RNF144B: variants seen among roughly 807,000 people sequenced by gnomAD.
The protein encoded by RNF144B is ring finger protein 144B, also known as E3 ubiquitin-protein ligase RNF144B.
In RNF144B, 25 loss-of-function variants were observed where a neutral mutation model predicts 40.2. That is an observed-to-expected ratio of 0.62 (90% CI 0.45 to 0.87). RNF144B has a LOEUF of 0.87. Ranked by LOEUF, RNF144B falls within the 40% of genes least tolerant of loss-of-function variation. RNF144B has a pLI of 0.00. For synonymous variants in RNF144B, 145 were observed against 136.3 expected (o/e 1.06, Z -0.44); for missense variants, 365 against 373.7 (o/e 0.98, Z 0.19).
Position 18,448,973 on chromosome 6 carries a change from C to T in RNF144B, c.332-8182C>T, listed in dbSNP as rs991071827. Among the ~76,000 whole-genome samples, 1 of 152,124 alleles carries T rather than the reference C, an allele frequency of 6.6e-6. No homozygotes were observed. Among genetic ancestry groups the T allele is most frequent in the African/African-American group, 2.4e-5 (1 of 41,430 alleles). On this transcript the variant is annotated intron_variant, in intron 4 of 7. Coordinates refer to ENST00000259939, the MANE Select transcript of RNF144B (RefSeq NM_182757.4). The surrounding 1 kb of genome is among the most constrained non-coding windows in gnomAD (Gnocchi z 4.0). The stretch of plus-strand genomic sequence containing the variant: ...TGTGTAGAACCTGCTTCATGTCAGG[C>T]ACTGTGTTAAGTGTCTCGTTTACAG...
In RNF144B at chr6:18,416,734, A is replaced by T. The variant is rs910871701; in HGVS notation, c.166-10847A>T. On this transcript the variant is annotated intron_variant, in intron 2 of 7. Coordinates refer to ENST00000259939, the MANE Select transcript of RNF144B (RefSeq NM_182757.4). The surrounding 1 kb of genome is among the most constrained non-coding windows in gnomAD (Gnocchi z 5.5). ...AGCTTCCTTTGCTGTTTCTTTTGGA[A>T]CTAGCTGAATGCTTGTATTCTCTAT... is the stretch of plus-strand genomic sequence containing the variant. 6.6e-6 allele frequency among the ~76,000 whole-genome samples: 1 copy of T among 152,178 alleles called. No homozygotes were observed. The highest frequency in any genetic ancestry group is 1.9e-4 in the East Asian group (1 of 5,194).
chr6:18,450,752 T>C lies in RNF144B; in HGVS notation c.332-6403T>C, dbSNP rs1290363980. Among the ~76,000 whole-genome samples the C allele has an allele frequency of 2.0e-5, 3 of 152,230 alleles. No homozygotes were observed. The highest frequency in any genetic ancestry group is 4.4e-5 in the Non-Finnish European group (3 of 68,040). ...GATGTGAATGCCCTTGTTCAGTGTTTTCTTTAAGGACAGAATCTTAATTCT... is the reference window on the plus strand; with the variant it reads ...GATGTGAATGCCCTTGTTCAGTGTTCTCTTTAAGGACAGAATCTTAATTCT... On this transcript the variant is annotated intron_variant, in intron 4 of 7. Coordinates refer to ENST00000259939, the MANE Select transcript of RNF144B (RefSeq NM_182757.4). The surrounding 1 kb of genome is among the most constrained non-coding windows in gnomAD (Gnocchi z 4.7).
In RNF144B at chr6:18,442,406, A is replaced by G. The variant is rs990733479; in HGVS notation, c.331+2662A>G. Among the ~76,000 whole-genome samples the G allele has an allele frequency of 6.6e-6, 1 of 152,224 alleles. No homozygotes were observed. The highest frequency in any genetic ancestry group is 6.5e-5 in the Admixed American group (1 of 15,276). ...GCCCCACTGTGGATCCCATGCATTA[A>G]CAATTCATGTTGTTATTCTTATTTT... On this transcript the variant is annotated intron_variant, in intron 4 of 7. Transcript: ENST00000259939. This position sits in a 1 kb window ranked among gnomAD's most constrained non-coding sequence, Gnocchi z 4.3.
At chr6:18,435,153 G>T (rs577256834) in intron 3 of RNF144B, among the ~76,000 whole-genome samples, 1 of 152,258 alleles carries the variant, frequency 6.6e-6, no homozygotes, top group African/African-American at 2.4e-5. Flanking sequence ...GTTGTCTTTT[G>T]TGCTTGGATA....
At position 18,447,671 on chromosome 6, in the gene RNF144B, A is replaced by T. The variant is rs193131359; in HGVS notation, c.331+7927A>T. 1.3e-5 allele frequency among the ~76,000 whole-genome samples: 2 copies of T among 152,324 alleles called. No homozygotes were observed. The highest frequency in any genetic ancestry group is 3.9e-4 in the East Asian group (2 of 5,182). ...ATGCCCAGATTTGGAGTCTGTTTTC[A>T]AGGTGGAACTGTCAGGATTTCCTGG... On this transcript the variant is annotated intron_variant, in intron 4 of 7. Coordinates refer to ENST00000259939, the MANE Select transcript of RNF144B (RefSeq NM_182757.4). The surrounding 1 kb of genome is among the most constrained non-coding windows in gnomAD (Gnocchi z 5.6).
chr6:18,455,679 T>C (rs1316097810), intron 4 of RNF144B, among the ~76,000 whole-genome samples: 5 of 152,154 alleles, frequency 3.3e-5, no homozygotes, highest in Non-Finnish European at 5.9e-5. Context: ...TATGTTCCCT[T>C]AAAGGTCATA....
rs1000830592 is a variant in RNF144B at position 18,450,651 on chromosome 6, C to G, written c.332-6504C>G. 6.6e-6 allele frequency among the ~76,000 whole-genome samples: 1 copy of G among 152,168 alleles called. No homozygotes were observed. Among genetic ancestry groups the G allele is most frequent in the African/African-American group, 2.4e-5 (1 of 41,430 alleles). On this transcript the variant is annotated intron_variant, in intron 4 of 7. Coordinates refer to ENST00000259939, the MANE Select transcript of RNF144B (RefSeq NM_182757.4). This position sits in a 1 kb window ranked among gnomAD's most constrained non-coding sequence, Gnocchi z 4.7. Reference sequence around the variant, plus strand: ...TTCCACCATGGCTAATTTTAAGCTACCAAGGTAATGTCACTGAACTTGGAG... The same window carrying G: ...TTCCACCATGGCTAATTTTAAGCTAGCAAGGTAATGTCACTGAACTTGGAG...
At chr6:18,439,530 GT>G (rs1562053303) in intron 3 of RNF144B, among the ~76,000 whole-genome samples, 153 bp from the exon 4 acceptor site, 2 of 152,104 alleles carry the variant, frequency 1.3e-5, no homozygotes, top group African/African-American at 4.8e-5. Flanking sequence ...TGTTGCATGT[GT>G]TTTACTACAT....
chr6:18,434,354 G>GT lies in RNF144B; in HGVS notation c.271-5323dup, dbSNP rs1294703000. 2.0e-5 allele frequency among the ~76,000 whole-genome samples: 3 copies of GT among 149,900 alleles called. No homozygotes were observed. Among genetic ancestry groups the GT allele is most frequent in the Non-Finnish European group, 4.5e-5 (3 of 66,598 alleles). On this transcript the variant is annotated intron_variant, in intron 3 of 7. Transcript: ENST00000259939. The surrounding 1 kb of genome is among the most constrained non-coding windows in gnomAD (Gnocchi z 4.1). Reference sequence around the variant, plus strand: ...ACTTTCTGCCTCCCTTTTTTGCTTTGTTTTTTTCTGAGAGGGGGTAAGGTC... The same window carrying GT: ...ACTTTCTGCCTCCCTTTTTTGCTTTGTTTTTTTTCTGAGAGGGGGTAAGGTC...
chr6:18,404,219 C>T (rs17626544), intron 2 of RNF144B, among the ~76,000 whole-genome samples: 11,879 of 152,274 alleles, frequency 0.078, 619 homozygotes, highest in Non-Finnish European at 0.11. Context: ...CTAACTGTTA[C>T]CTGCATTAGG....
intron 1 of RNF144B, 71 bp from the exon 2 acceptor site, chr6:18,399,428 C>T (rs1308536155): frequency 9.1e-7 from 1 of 1,103,074 alleles, no homozygotes; most frequent in Non-Finnish European, 1.3e-6. Flanking sequence ...ATCAGCTGGC[C>T]TCCAGACGTG....
rs1274242613 is a variant in RNF144B, at chr6:18,450,897, A to G, written c.332-6258A>G. On this transcript the variant is annotated intron_variant, in intron 4 of 7. Transcript: ENST00000259939. The surrounding 1 kb of genome is among the most constrained non-coding windows in gnomAD (Gnocchi z 4.7). ...ATGGTGCTTTATCTCTTTGTAATCT[A>G]ATGTCATTGTGTTTTGTCTCAGCAT... Among the ~76,000 whole-genome samples, 1 of 152,130 alleles carries G rather than the reference A, an allele frequency of 6.6e-6. No homozygotes were observed.
intron 4 of RNF144B, among the ~76,000 whole-genome samples, chr6:18,449,595 A>G (rs1488780699): frequency 6.6e-6 from 1 of 151,982 alleles, no homozygotes; most frequent in Non-Finnish European, 1.5e-5. Flanking sequence ...ATGTATATTT[A>G]CTAAAAACAA....
intron 1 of RNF144B, among the ~76,000 whole-genome samples, chr6:18,394,058 C>G (rs9367993): frequency 0.15 from 22,829 of 152,116 alleles, 2,195 homozygotes; most frequent in East Asian, 0.29. Context: ...TAATATCTAG[C>G]TGATTCATTT....
At chr6:18,404,074 G>T (rs552573469) in intron 2 of RNF144B, among the ~76,000 whole-genome samples, 23 of 152,272 alleles carry the variant, frequency 1.5e-4, no homozygotes, top group Admixed American at 1.4e-3. Context: ...TGTGAATTTT[G>T]GTGGGGATAA....
At chr6:18,415,202 C>CG (rs1188866265) in intron 2 of RNF144B, among the ~76,000 whole-genome samples, 5 of 152,214 alleles carry the variant, frequency 3.3e-5, no homozygotes, top group South Asian at 2.1e-4. Context: ...AATCTGAGGA[C>CG]GGGGGGCTGA....
In RNF144B at chr6:18,459,484, C is replaced by T; in HGVS notation, c.537-123C>T. The T allele has an allele frequency of 2.2e-6, 2 of 919,504 alleles. No individual in the cohort carries two copies. Among genetic ancestry groups the T allele is most frequent in the South Asian group, 1.9e-5 (1 of 53,790 alleles). 57.0% of individuals were successfully genotyped at this position (919,504 alleles called of 1,614,324 possible). On this transcript the variant is annotated intron_variant, in intron 5 of 7. Transcript: ENST00000259939. The surrounding 1 kb of genome is among the most constrained non-coding windows in gnomAD (Gnocchi z 4.2). ...CATCTAATAATGTTTTTGCCCACACCCTTTCTTTTGGAAGTGAATTAAGCA... is the reference window on the plus strand; with the variant it reads ...CATCTAATAATGTTTTTGCCCACACTCTTTCTTTTGGAAGTGAATTAAGCA...
chr6:18,451,889 T>A (rs1373355992), intron 4 of RNF144B, among the ~76,000 whole-genome samples: 1 of 152,072 alleles, frequency 6.6e-6, no homozygotes, highest in Non-Finnish European at 1.5e-5. Flanking sequence ...ATAAAGGAGG[T>A]TTAATGTTTA....
chr6:18,430,106 T>C (rs868242693), intron 3 of RNF144B, among the ~76,000 whole-genome samples: 3 of 152,284 alleles, frequency 2.0e-5, no homozygotes, highest in South Asian at 4.1e-4. Context: ...ATTCCTGTAT[T>C]CTAGACCTGT....
Sources: gnomAD v4.1 joint callset for allele counts (sites outside exome capture counted in the v4.1 genomes callset) on GRCh38, gnomAD v4.1.1 for gene constraint, Gnocchi (gnomAD v3.1) non-coding constraint, MANE v1.5 for transcripts, NCBI Gene and HGNC (gene_info 2026-07-23, HGNC 2026-07-21) for gene names.